GRB14: variants seen among roughly 807,000 people sequenced by gnomAD.
GRB14 encodes growth factor receptor bound protein 14.
A neutral mutation model predicts 69.1 loss-of-function variants in GRB14; 38 were observed. The observed-to-expected ratio is 0.55, with a 90% confidence interval of 0.42 to 0.72. The LOEUF is 0.72. GRB14 is among the 30% of genes least tolerant of loss of function. The pLI is 0.00. For missense variants in GRB14, 666 were observed against 666.1 expected (o/e 1.00, Z 0.00); for synonymous variants, 247 against 241.3 (o/e 1.02, Z -0.22).
intron 2 of GRB14, among the ~76,000 whole-genome samples, chr2:164,584,435 G>C (rs541357292): frequency 4.6e-5 from 7 of 151,516 alleles, no homozygotes; most frequent in Admixed American, 1.3e-4. Context: ...TGCAAAATGA[G>C]GTTTTTAAAC....
At chr2:164,605,875 T>C (rs1005681531) in intron 2 of GRB14, among the ~76,000 whole-genome samples, 3 of 152,140 alleles carry the variant, frequency 2.0e-5, no homozygotes, top group African/African-American at 2.4e-5. Flanking sequence ...CCAACCCTCA[T>C]GAGAGTCACA....
intron 2 of GRB14, chr2:164,568,598 C>A (rs1689044370): frequency 3.0e-6 from 1 of 334,574 alleles, no homozygotes; most frequent in Admixed American, 6.3e-5. Flanking sequence ...AAAACCCCGC[C>A]TTTGTCCTTG....
At chr2:164,499,657 AG>A (rs1686999297) in intron 9 of GRB14, among the ~76,000 whole-genome samples, 1 of 152,120 alleles carries the variant, frequency 6.6e-6, no homozygotes, top group Non-Finnish European at 1.5e-5. Flanking sequence ...TTTCTTTTTA[AG>A]AAAAAAAATA....
chr2:164,558,798 C>T (rs545879113), intron 2 of GRB14, among the ~76,000 whole-genome samples: 1 of 152,134 alleles, frequency 6.6e-6, no homozygotes, highest in South Asian at 2.1e-4. Context: ...GAAAGAAGAA[C>T]AAGTAGTAGG....
intron 3 of GRB14, among the ~76,000 whole-genome samples, chr2:164,533,208 TTAGTTGTTTCCAATTC>T: frequency 6.6e-6 from 1 of 151,330 alleles, no homozygotes; most frequent in Non-Finnish European, 1.5e-5. Flanking sequence ...GTTCTCTACC[TTAGTTGTTTCCAATTC>T]TTTTTTTTTT....
At chr2:164,602,845 G>C (rs1378869851) in intron 2 of GRB14, among the ~76,000 whole-genome samples, 3 of 152,172 alleles carry the variant, frequency 2.0e-5, no homozygotes, top group Non-Finnish European at 2.9e-5. Context: ...TCTATTATGG[G>C]AAGAGAAGAC....
intron 2 of GRB14, among the ~76,000 whole-genome samples, chr2:164,582,651 C>T (rs778141212): frequency 6.6e-6 from 1 of 152,078 alleles, no homozygotes; most frequent in South Asian, 2.1e-4. Flanking sequence ...GAACTCCTGA[C>T]TGCGTGATCC....
chr2:164,588,901 A>G (rs1574336873), intron 2 of GRB14, among the ~76,000 whole-genome samples: 1 of 152,374 alleles, frequency 6.6e-6, no homozygotes, highest in East Asian at 1.9e-4. Flanking sequence ...GGCTATTTTG[A>G]GAAAAAGATG....
chr2:164,605,399 G>A (rs1383869972), intron 2 of GRB14, among the ~76,000 whole-genome samples: 1 of 152,206 alleles, frequency 6.6e-6, no homozygotes, highest in Non-Finnish European at 1.5e-5. Context: ...AGTTTGAGAT[G>A]TCTATGGACC....
At chr2:164,618,009 C>G (rs1690345863) in intron 2 of GRB14, among the ~76,000 whole-genome samples, 1 of 145,576 alleles carries the variant, frequency 6.9e-6, no homozygotes, top group Non-Finnish European at 1.5e-5. Context: ...CTCTGTCGTT[C>G]AGAGTGGAGT....
chr2:164,515,415 C>T (rs1687455530), intron 6 of GRB14, among the ~76,000 whole-genome samples: 1 of 152,168 alleles, frequency 6.6e-6, no homozygotes, highest in Non-Finnish European at 1.5e-5. Context: ...CCAGTACCAG[C>T]CCAGGGCCCG....
intron 2 of GRB14, among the ~76,000 whole-genome samples, chr2:164,589,266 T>A (rs1347639371): frequency 2.6e-5 from 4 of 152,190 alleles, no homozygotes; most frequent in Non-Finnish European, 5.9e-5. Context: ...TAATACTTTA[T>A]TTATCCTTTT....
rs1189497411 is a variant in GRB14, at chr2:164,595,544, G to A, written c.324+24143C>T. ...AGATGTGGAGTAGGATGAAACAGAG[G>A]CCAGGGGAAGGCTATCAGGAGTCAG... On this transcript the variant is annotated intron_variant, in intron 2 of 13. Transcript: ENST00000263915. Among the ~76,000 whole-genome samples, 3 of 152,234 alleles carry A rather than the reference G, an allele frequency of 2.0e-5. No individual in the cohort carries two copies. In the South Asian group the frequency reaches 6.2e-4, roughly 32 times the overall value.
At position 164,607,892 on chromosome 2, in the gene GRB14, A is replaced by G. The variant is rs1435686709; in HGVS notation, c.324+11795T>C. Among the ~76,000 whole-genome samples the G allele has an allele frequency of 2.0e-5, 3 of 152,142 alleles. No individual in the cohort carries two copies. In the East Asian group the frequency reaches 5.8e-4, roughly 29 times the overall value. On this transcript the variant is annotated intron_variant, in intron 2 of 13. Transcript: ENST00000263915. ...ATGATTGCTTTCCAATTTTTTTCCTAAGATGCTTTTGTCTTATAATGTGTC... is the reference window on the plus strand; with the variant it reads ...ATGATTGCTTTCCAATTTTTTTCCTGAGATGCTTTTGTCTTATAATGTGTC...
intron 2 of GRB14, among the ~76,000 whole-genome samples, chr2:164,555,959 G>C (rs905204420): frequency 3.2e-4 from 48 of 149,838 alleles, no homozygotes; most frequent in East Asian, 1.2e-3. Context: ...CTAATAGATA[G>C]GCAATGTACT....
chr2:164,556,971 T>G (rs1335921100), intron 2 of GRB14, among the ~76,000 whole-genome samples: 1 of 152,038 alleles, frequency 6.6e-6, no homozygotes, highest in Non-Finnish European at 1.5e-5. Context: ...CCTCACGGAG[T>G]TTGAAAACCT....
At chr2:164,617,016 A>G (rs1416287537) in intron 2 of GRB14, among the ~76,000 whole-genome samples, 1 of 152,220 alleles carries the variant, frequency 6.6e-6, no homozygotes, top group Non-Finnish European at 1.5e-5. Flanking sequence ...AGAGTCATCT[A>G]TTCTCAAAAC....
chr2:164,609,142 C>T (rs957940042), intron 2 of GRB14, among the ~76,000 whole-genome samples: 31 of 152,326 alleles, frequency 2.0e-4, no homozygotes, highest in African/African-American at 7.5e-4. Context: ...AACATCCAAA[C>T]CCACCTCCTT....
intron 2 of GRB14, among the ~76,000 whole-genome samples, chr2:164,553,213 G>A (rs183801000): frequency 1.3e-5 from 2 of 152,094 alleles, no homozygotes; most frequent in African/African-American, 4.8e-5. Flanking sequence ...TTTAAAAAAG[G>A]GCTAGAAAAG....
Sources: allele counts gnomAD v4.1 joint callset (sites outside exome capture counted in the v4.1 genomes callset), GRCh38; gene constraint gnomAD v4.1.1; transcripts MANE v1.5; gene names NCBI Gene and HGNC (gene_info 2026-07-23, HGNC 2026-07-21).